The following LRIT3 variants were observed in gnomAD, a reference collection of about 807,000 sequenced individuals.
The protein encoded by LRIT3 is leucine rich repeat, Ig-like and transmembrane domains 3, also known as leucine-rich repeat, immunoglobulin-like domain and transmembrane domain-containing protein 3.
Under a neutral mutation model 22.6 loss-of-function variants are expected in LRIT3, and 14 were observed. The ratio of observed to expected loss-of-function variants is 0.62; its 90% confidence interval spans 0.41 to 0.97. LRIT3 has a LOEUF of 0.97. Ranked by LOEUF, LRIT3 falls within the 50% of genes least tolerant of loss-of-function variation. The pLI is 0.00. For synonymous variants in LRIT3, 306 were observed against 304.5 expected (o/e 1.01, Z -0.05); for missense variants, 783 against 803.0 (o/e 0.98, Z 0.30).
At chr4:109,859,196 C>T (rs907461226) in intron 2 of LRIT3, among the ~76,000 whole-genome samples, 1 of 152,122 alleles carries the variant, frequency 6.6e-6, no homozygotes, top group Non-Finnish European at 1.5e-5. Flanking sequence ...GGGGTCACCA[C>T]CTTCTGGTCC....
chr4:109,850,479 C>G (rs1166954737), intron 1 of LRIT3, among the ~76,000 whole-genome samples: 1 of 131,284 alleles, frequency 7.6e-6, no homozygotes. Context: ...TTCTTTCTTT[C>G]TTTCTTTTCT....
rs1423607219 is a variant in LRIT3, at chr4:109,871,510, A to G, written c.*721A>G. On this transcript the variant is annotated 3_prime_UTR_variant, in exon 4 of 4. Transcript: ENST00000594814. Reference sequence around the variant, plus strand: ...TATGGATATTTAAAAATAACTTTAAATCAATCTTTTAATATTTTGCTGTTT... The same window carrying G: ...TATGGATATTTAAAAATAACTTTAAGTCAATCTTTTAATATTTTGCTGTTT... 2.6e-5 allele frequency: 4 copies of G among 152,204 alleles called. No homozygotes were observed. Among genetic ancestry groups the G allele is most frequent in the African/African-American group, 9.6e-5 (4 of 41,454 alleles). 9.4% of individuals were successfully genotyped at this position (152,204 alleles called of 1,614,324 possible). A position where few individuals can be genotyped will look rare whatever the true frequency, so the allele number is the denominator to read the frequency against.
intron 3 of LRIT3, among the ~76,000 whole-genome samples, chr4:109,869,180 AC>A (rs1276407076): frequency 6.6e-6 from 1 of 152,208 alleles, no homozygotes; most frequent in Non-Finnish European, 1.5e-5. Context: ...GCATTTTATT[AC>A]CATGAAAACA....
chr4:109,862,678 G>A (rs1346036237), intron 2 of LRIT3, among the ~76,000 whole-genome samples: 5 of 152,062 alleles, frequency 3.3e-5, no homozygotes, highest in African/African-American at 1.2e-4. Flanking sequence ...TTATACTCCA[G>A]ATATTGCTGC....
At chr4:109,859,134 A>G (rs999719540) in intron 2 of LRIT3, among the ~76,000 whole-genome samples, 2 of 152,204 alleles carry the variant, frequency 1.3e-5, no homozygotes, top group African/African-American at 2.4e-5. Flanking sequence ...CAGGCAGATC[A>G]GCAGGTCAAA....
chr4:109,855,800 C>A (rs1210980290), intron 2 of LRIT3, among the ~76,000 whole-genome samples: 1 of 152,120 alleles, frequency 6.6e-6, no homozygotes, highest in Non-Finnish European at 1.5e-5. Context: ...GTTATGTACC[C>A]TGTAGTCATT....
intron 2 of LRIT3, among the ~76,000 whole-genome samples, chr4:109,861,695 G>T (rs1734549730): frequency 6.6e-6 from 1 of 151,850 alleles, no homozygotes; most frequent in Non-Finnish European, 1.5e-5. Context: ...TAAGTCTTTT[G>T]TCTGTTATAT....
intron 2 of LRIT3, among the ~76,000 whole-genome samples, chr4:109,861,028 T>C (rs1734530931): frequency 6.6e-6 from 1 of 152,250 alleles, no homozygotes; most frequent in East Asian, 1.9e-4. Flanking sequence ...CATGTTTTCA[T>C]TTCATTATCT....
intron 2 of LRIT3, among the ~76,000 whole-genome samples, chr4:109,860,776 T>C (rs947276941): frequency 6.6e-6 from 1 of 152,248 alleles, no homozygotes; most frequent in East Asian, 1.9e-4. Context: ...TAGAATGTTA[T>C]GTAAATGGAA....
Position 109,851,948 on chromosome 4 carries a change from GGACCTTTCCCC to G in LRIT3, c.562_572del (p.Asp188LysfsTer15), listed in dbSNP as rs1560589807. ...TAGTTTCAACACCTTCTGGAGTCCT[GGACCTTTCCCC>G]AAGCAGGATTATTCTTGGTAAGCTC... On this transcript the variant is annotated frameshift_variant, in exon 2 of 4. Transcript: ENST00000594814. LOFTEE classifies it high-confidence loss of function. 6.5e-7 allele frequency: 1 copy of G among 1,549,498 alleles called. No homozygotes were observed. Among genetic ancestry groups the G allele is most frequent in the East Asian group, 2.4e-5 (1 of 40,894 alleles).
intron 1 of LRIT3, among the ~76,000 whole-genome samples, chr4:109,850,407 CTTCCTTCCTTCCTTCCT>C (rs1560588857): frequency 5.4e-3 from 53 of 9,778 alleles, no homozygotes; most frequent in Non-Finnish European, 0.017. Context: ...TCCTTCCTTC[CTTCCTTCCTTCCTTCCT>C]TTCTTTCTTT....
rs1734203737 is a variant in LRIT3 at position 109,850,419 on chromosome 4, CTTCCTTTCTTTCTTTCT to C, written c.117-1081_117-1065del. ...CCTTCCTTCCTTCCTTCCTTCCTTC[CTTCCTTTCTTTCTTTCT>C]TTCTTTCTTTCTTTCTTTCTTTCTT... is the stretch of plus-strand genomic sequence containing the variant. On this transcript the variant is annotated intron_variant, in intron 1 of 3. Transcript: ENST00000594814. 3.5e-3 allele frequency among the ~76,000 whole-genome samples: 59 copies of C among 16,692 alleles called. 1 individual carries two copies. The highest frequency in any genetic ancestry group is 0.013 in the African/African-American group (52 of 4,146). The allele number at this position is 16,692 out of a possible 152,430, so 11.0% of individuals were successfully genotyped here. A position where few individuals can be genotyped will look rare whatever the true frequency, so the allele number is the denominator to read the frequency against.
intron 2 of LRIT3, among the ~76,000 whole-genome samples, chr4:109,867,093 T>C (rs1734700373): frequency 6.6e-6 from 1 of 152,104 alleles, no homozygotes; most frequent in African/African-American, 2.4e-5. Flanking sequence ...CTATTCCAGG[T>C]TGAGTTAGGT....
rs1734851602 is a variant in LRIT3 at position 109,872,091 on chromosome 4, A to T, written c.*1302A>T. 1 of 152,216 alleles carries T rather than the reference A, an allele frequency of 6.6e-6. No individual in the cohort carries two copies. The highest frequency in any genetic ancestry group is 1.5e-5 in the Non-Finnish European group (1 of 68,050). The allele number at this position is 152,216 out of a possible 1,614,324, so 9.4% of individuals were successfully genotyped here. A position where few individuals can be genotyped will look rare whatever the true frequency, so the allele number is the denominator to read the frequency against. On this transcript the variant is annotated 3_prime_UTR_variant, in exon 4 of 4. Transcript: ENST00000594814. ...AAATTTTAGAACAAAGCCTAACCTT[A>T]CTAGATTAAACTTGCTCTATGAAAG...
At chr4:109,868,083 G>C (rs905625159) in intron 3 of LRIT3, 137 bp downstream of exon 3, 1 of 903,084 alleles carries the variant, frequency 1.1e-6, no homozygotes, top group Non-Finnish European at 1.6e-6. Flanking sequence ...GGATTTTAAA[G>C]GTACATTTTA....
Position 109,866,450 on chromosome 4 carries a change from G to A in LRIT3, c.590-1191G>A, listed in dbSNP as rs113073591. Among the ~76,000 whole-genome samples the A allele has an allele frequency of 6.6e-3, 998 of 152,246 alleles. 9 individuals are homozygous for A. Among genetic ancestry groups the A allele is most frequent in the African/African-American group, 0.022 (930 of 41,550 alleles). On this transcript the variant is annotated intron_variant, in intron 2 of 3. Coordinates refer to ENST00000594814, the MANE Select transcript of LRIT3 (RefSeq NM_198506.5). ...GCCTGGATTCGATGTTTGCTCTGAA[G>A]TTCTATCTTAATTTGAGAATTTTGG...
intron 2 of LRIT3, among the ~76,000 whole-genome samples, chr4:109,862,474 A>G (rs987950178): frequency 1.3e-5 from 2 of 152,218 alleles, no homozygotes; most frequent in Non-Finnish European, 2.9e-5. Context: ...TTGACCTTAG[A>G]AGTTTCAAGC....
intron 1 of LRIT3, among the ~76,000 whole-genome samples, chr4:109,850,491 T>A (rs1482699553): frequency 9.3e-6 from 1 of 107,180 alleles, no homozygotes; most frequent in Non-Finnish European, 2.0e-5. Context: ...TTCTTTTCTA[T>A]TTTGAGATGG....
intron 2 of LRIT3, among the ~76,000 whole-genome samples, chr4:109,852,334 C>A (rs550279343): frequency 2.0e-5 from 3 of 152,226 alleles, no homozygotes; most frequent in Non-Finnish European, 4.4e-5. Context: ...GTACAAAGTT[C>A]TGCTCAGTTT....
Sources: allele counts gnomAD v4.1 joint callset (sites outside exome capture counted in the v4.1 genomes callset), GRCh38; gene constraint gnomAD v4.1.1; transcripts MANE v1.5; gene names NCBI Gene and HGNC (gene_info 2026-07-23, HGNC 2026-07-21).